The following SYAP1 variants were observed in gnomAD, a reference collection of about 807,000 sequenced individuals.
SYAP1 encodes the protein synapse associated protein 1, also known as synapse-associated protein 1.
SYAP1 carries 3 observed loss-of-function variants against 29.6 expected under a neutral mutation model. The observed-to-expected ratio is 0.10, with a 90% CI of 0.05 to 0.26. SYAP1 has a LOEUF of 0.26. SYAP1 is among the 10% of genes least tolerant of loss of function. SYAP1 has a pLI of 1.00. For synonymous variants in SYAP1, 102 were observed against 102.7 expected, an observed-to-expected ratio of 0.99 and a Z score of 0.04; for missense variants, 217 against 264.1, an observed-to-expected ratio of 0.82 and a Z score of 1.24.
At chrX:16,742,255 G>A (rs1214730769) in intron 4 of SYAP1, among the ~76,000 whole-genome samples, 5 of 103,367 alleles carry the variant, frequency 4.8e-5, no homozygotes, top group African/African-American at 1.4e-4. Flanking sequence ...AGGTTCAAGC[G>A]ATTCTCTTGC....
intron 5 of SYAP1, among the ~76,000 whole-genome samples, chrX:16,746,241 C>CT (rs761759271): frequency 0.014 from 1,153 of 83,585 alleles, 23 homozygotes; most frequent in African/African-American, 0.044. Context: ...TTTTTTCTTT[C>CT]TTTTTTTTTT....
chrX:16,719,992 A>G, intron 1 of SYAP1, 93 bp downstream of exon 1: 1 of 894,431 alleles, frequency 1.1e-6, no homozygotes, highest in Non-Finnish European at 1.5e-6. Flanking sequence ...CTGGGGGATG[A>G]GGGGGCCGAG....
chrX:16,756,968 A>G (rs879106896), intron 7 of SYAP1, among the ~76,000 whole-genome samples, 194 bp from the exon 8 acceptor site: 3 of 112,513 alleles, frequency 2.7e-5, no homozygotes, highest in South Asian at 7.3e-4. Flanking sequence ...GGAGAATAAT[A>G]GCCTCAGGTG....
intron 4 of SYAP1, among the ~76,000 whole-genome samples, chrX:16,742,920 ATTTTTTTTTTTTTT>A (rs761130108): frequency 1.6e-5 from 1 of 62,992 alleles, no homozygotes; most frequent in African/African-American, 6.3e-5. Flanking sequence ...GTCCGCTTCT[ATTTTTTTTTTTTTT>A]TTTTTTTTTT....
intron 5 of SYAP1, among the ~76,000 whole-genome samples, chrX:16,746,739 C>T (rs1282384351): frequency 9.1e-6 from 1 of 110,325 alleles, no homozygotes; most frequent in Non-Finnish European, 1.9e-5. Flanking sequence ...AGACGCATGC[C>T]ACCACGCCTG....
intron 4 of SYAP1, among the ~76,000 whole-genome samples, chrX:16,742,195 A>G (rs1377563417): frequency 8.6e-5 from 7 of 81,118 alleles, no homozygotes; most frequent in Non-Finnish European, 1.1e-4. Context: ...TCTGTCACCC[A>G]GCCTGGAGCG....
chrX:16,729,830 T>C (rs1371059170), intron 1 of SYAP1, among the ~76,000 whole-genome samples: 1 of 111,382 alleles, frequency 9.0e-6, no homozygotes, highest in Non-Finnish European at 1.9e-5. Context: ...TGGATGATAC[T>C]CTTTTAACTT....
chrX:16,735,937 T>G (rs886358555), intron 2 of SYAP1, among the ~76,000 whole-genome samples: 3 of 112,666 alleles, frequency 2.7e-5, no homozygotes, highest in African/African-American at 9.7e-5. Flanking sequence ...CTTTTCATGT[T>G]GTGAGTTTAA....
rs1927028487 is a variant in SYAP1 at position 16,763,517 on chromosome X, T to C, written c.*3158T>C. ...ACAGGCAACCGCCACCATGCCCAGC[T>C]AATTTTTTTGTATTTTTAGCAGAGA... On this transcript the variant is annotated 3_prime_UTR_variant, in exon 9 of 9. Transcript: ENST00000380155. 1 of 110,122 alleles carries C rather than the reference T, an allele frequency of 9.1e-6. No homozygotes were observed. Among genetic ancestry groups the C allele is most frequent in the Non-Finnish European group, 1.9e-5 (1 of 52,779 alleles). 9.1% of individuals were successfully genotyped at this position (110,122 alleles called of 1,213,427 possible).
chrX:16,722,380 T>A (rs1333514264), intron 1 of SYAP1, among the ~76,000 whole-genome samples: 1 of 110,203 alleles, frequency 9.1e-6, no homozygotes, highest in African/African-American at 3.3e-5. Context: ...ATACAAAAAT[T>A]AGCTGGGCGT....
intron 3 of SYAP1, 136 bp from the exon 4 acceptor site, chrX:16,741,580 A>C (rs1240091647): frequency 2.3e-6 from 1 of 428,734 alleles, no homozygotes; most frequent in African/African-American, 2.5e-5. Context: ...GTTAATGTTC[A>C]TATTTGGAAC....
intron 8 of SYAP1, among the ~76,000 whole-genome samples, chrX:16,759,820 A>G (rs761203781): frequency 8.9e-6 from 1 of 112,583 alleles, no homozygotes; most frequent in South Asian, 3.6e-4. Flanking sequence ...CATAGAAAGC[A>G]GTTGGGCCAG....
Position 16,719,736 on chromosome X carries a change from C to T in SYAP1, c.12C>T (p.Gly4=), listed in dbSNP as rs752703004. 1.4e-5 allele frequency: 17 copies of T among 1,205,407 alleles called. No individual in the cohort carries two copies. The highest frequency in any genetic ancestry group is 1.8e-5 in the Non-Finnish European group (16 of 893,522). MFR[G]LSSWLGLQQP... ...GGCCCGCGAGCGGGATGTTCCGGGG[C>T]TTGAGCAGTTGGTTGGGCTTGCAGC... Residue 4 remains glycine (G), a synonymous_variant, in exon 1 of 9, where the codon GGC becomes GGT. Coordinates refer to ENST00000380155, the MANE Select transcript of SYAP1 (RefSeq NM_032796.4).
intron 1 of SYAP1, among the ~76,000 whole-genome samples, chrX:16,733,669 CT>C (rs139404462): frequency 0.078 from 7,776 of 99,544 alleles, 787 homozygotes; most frequent in African/African-American, 0.26. Flanking sequence ...CAAATTAGCC[CT>C]TTTTTTTTTT....
chrX:16,758,325 A>T (rs1271599356), intron 8 of SYAP1, among the ~76,000 whole-genome samples: 1 of 106,668 alleles, frequency 9.4e-6, no homozygotes, highest in African/African-American at 3.4e-5. Context: ...TATTATAGGT[A>T]TGTGCCACCA....
Position 16,719,635 on chromosome X carries a change from C to A in SYAP1, c.-90C>A, listed in dbSNP as rs1017716710. The A allele has an allele frequency of 1.9e-6, 2 of 1,046,309 alleles. No individual in the cohort carries two copies. The highest frequency in any genetic ancestry group is 2.5e-6 in the Non-Finnish European group (2 of 791,415). The allele number at this position is 1,046,309 out of a possible 1,213,427, so 86.2% of individuals were successfully genotyped here. A position where few individuals can be genotyped will look rare whatever the true frequency, so the allele number is the denominator to read the frequency against. On this transcript the variant is annotated 5_prime_UTR_variant, in exon 1 of 9. Transcript: ENST00000380155. ...GTGTTCCTCCGACTTCCGGACATCT[C>A]CCTGGGAGTCGCGCAGAGTGGAGTC...
chrX:16,757,508 C>G (rs1365806251), intron 8 of SYAP1, among the ~76,000 whole-genome samples, 199 bp downstream of exon 8: 1 of 110,206 alleles, frequency 9.1e-6, no homozygotes, highest in African/African-American at 3.3e-5. Flanking sequence ...ATCACGAGGT[C>G]AGGAGATCGA....
At chrX:16,747,359 ACTGACT>A (rs1251547865) in intron 5 of SYAP1, among the ~76,000 whole-genome samples, 2 of 112,198 alleles carry the variant, frequency 1.8e-5, no homozygotes, top group Admixed American at 9.5e-5. Flanking sequence ...GTTCTGAGTA[ACTGACT>A]CTGAGGGAAG....
intron 4 of SYAP1, among the ~76,000 whole-genome samples, chrX:16,742,920 A>ATTTTT (rs761130108): frequency 3.2e-5 from 2 of 62,962 alleles, no homozygotes; most frequent in Non-Finnish European, 2.9e-5. Context: ...GTCCGCTTCT[A>ATTTTT]TTTTTTTTTT....
Sources: gnomAD v4.1 joint callset for allele counts (sites outside exome capture counted in the v4.1 genomes callset) on GRCh38, gnomAD v4.1.1 for gene constraint, MANE v1.5 for transcripts, NCBI Gene and HGNC (gene_info 2026-07-23, HGNC 2026-07-21) for gene names.